The following SHROOM4 variants were observed in gnomAD, a reference collection of about 807,000 sequenced individuals.
The protein encoded by SHROOM4 is protein Shroom4.
SHROOM4 carries 17 observed loss-of-function variants against 80.3 expected under a neutral mutation model. The observed-to-expected ratio is 0.21, with a 90% CI of 0.14 to 0.32. SHROOM4 has a LOEUF of 0.32. SHROOM4 is among the 10% of genes least tolerant of loss of function. SHROOM4 has a pLI of 1.00. For synonymous variants in SHROOM4, 400 were observed against 437.5 expected (o/e 0.91, Z 1.07); for missense variants, 993 against 1,140.3 (o/e 0.87, Z 1.86).
In SHROOM4 at chrX:50,705,989, T is replaced by TACACACAC. The variant is rs56363612; in HGVS notation, c.118-10060_118-10053dup. Reference sequence around the variant, plus strand: ...TTATTTCCCACAACCTCTCATCCTCTACACACACACACACACACACACACA... The same window carrying TACACACAC: ...TTATTTCCCACAACCTCTCATCCTCTACACACACACACACACACACACACACACACACA... On this transcript the variant is annotated intron_variant, in intron 1 of 8. Coordinates refer to ENST00000376020, the MANE Select transcript of SHROOM4 (RefSeq NM_020717.5). Among the ~76,000 whole-genome samples, 613 of 74,369 alleles carry TACACACAC rather than the reference T, an allele frequency of 8.2e-3. 10 individuals are homozygous for TACACACAC. The highest frequency in any genetic ancestry group is 0.027 in the African/African-American group (560 of 21,048). 64.6% of individuals were successfully genotyped at this position (74,369 alleles called of 115,157 possible).
At chrX:50,741,233 CTT>C (rs1934648075) in intron 1 of SHROOM4, among the ~76,000 whole-genome samples, 1 of 110,196 alleles carries the variant, frequency 9.1e-6, no homozygotes, top group African/African-American at 3.3e-5. Flanking sequence ...AATCTAAAAA[CTT>C]GAATTCATAG....
In SHROOM4 at chrX:50,637,778, G is replaced by C. The variant is rs1316891226; in HGVS notation, c.404+396C>G. Among the ~76,000 whole-genome samples the C allele has an allele frequency of 4.5e-5, 5 of 112,267 alleles. No homozygotes were observed. The East Asian group carries it at 1.4e-3, about 32-fold the overall frequency. ...TATGTGACAGAGGTAATAAAGACCA[G>C]ATAAGGGCACCAGTGAGTCGCCATT... On this transcript the variant is annotated intron_variant, in intron 3 of 8. Transcript: ENST00000376020.
chrX:50,681,696 C>T (rs1409753069), intron 2 of SHROOM4, among the ~76,000 whole-genome samples: 1 of 111,988 alleles, frequency 8.9e-6, no homozygotes, highest in African/African-American at 3.3e-5. Flanking sequence ...AACATGTTTG[C>T]GTATTTGTGA....
intron 1 of SHROOM4, among the ~76,000 whole-genome samples, chrX:50,789,381 C>T (rs1007254363): frequency 1.8e-5 from 2 of 110,672 alleles, no homozygotes; most frequent in Non-Finnish European, 3.8e-5. Context: ...GGAAATTAAA[C>T]AATACACTCC....
intron 1 of SHROOM4, among the ~76,000 whole-genome samples, chrX:50,773,127 A>G (rs148896206): frequency 8.9e-6 from 1 of 112,622 alleles, no homozygotes; most frequent in Non-Finnish European, 1.9e-5. Context: ...AGGTGCTGTC[A>G]CATATCTTAT....
rs1036447450 is a variant in SHROOM4 at position 50,593,244 on chromosome X, G to C, written c.*3451C>G. 4 of 112,112 alleles carry C rather than the reference G, an allele frequency of 3.6e-5. No individual in the cohort carries two copies. Among genetic ancestry groups the C allele is most frequent in the African/African-American group, 1.3e-4 (4 of 30,723 alleles). 9.2% of individuals were successfully genotyped at this position (112,112 alleles called of 1,213,427 possible). Reference sequence around the variant, plus strand: ...GTTTATCTGTGAAGGACTATGGATAGGTGACCAAATTCCTTTCCAGTACTT... The same window carrying C: ...GTTTATCTGTGAAGGACTATGGATACGTGACCAAATTCCTTTCCAGTACTT... On this transcript the variant is annotated 3_prime_UTR_variant, in exon 9 of 9. Coordinates refer to ENST00000376020, the MANE Select transcript of SHROOM4 (RefSeq NM_020717.5).
chrX:50,675,434 G>T (rs1932842546), intron 2 of SHROOM4, among the ~76,000 whole-genome samples: 1 of 111,385 alleles, frequency 9.0e-6, no homozygotes, highest in African/African-American at 3.3e-5. Context: ...GTGGGTAGCT[G>T]AGAGAAGAGG....
At chrX:50,706,565 G>A (rs1933683988) in intron 1 of SHROOM4, among the ~76,000 whole-genome samples, 1 of 111,414 alleles carries the variant, frequency 9.0e-6, no homozygotes, top group South Asian at 3.8e-4. Context: ...TGAGGTTCAG[G>A]GATATTATAT....
chrX:50,761,301 C>T (rs1935150580), intron 1 of SHROOM4, among the ~76,000 whole-genome samples: 1 of 111,735 alleles, frequency 8.9e-6, no homozygotes, highest in African/African-American at 3.3e-5. Context: ...GTTTTCTGTT[C>T]CTGCGTTAGT....
At chrX:50,626,209 C>T (rs1930796008) in intron 5 of SHROOM4, among the ~76,000 whole-genome samples, 1 of 111,404 alleles carries the variant, frequency 9.0e-6, no homozygotes, top group Admixed American at 9.5e-5. Flanking sequence ...ATTATTCCTC[C>T]AACACACCCT....
At chrX:50,736,577 A>G (rs1341737307) in intron 1 of SHROOM4, among the ~76,000 whole-genome samples, 1 of 112,159 alleles carries the variant, frequency 8.9e-6, no homozygotes, top group African/African-American at 3.2e-5. Flanking sequence ...GTCCCTGCAA[A>G]GGACATGATA....
chrX:50,805,350 T>A (rs1447138063), intron 1 of SHROOM4, among the ~76,000 whole-genome samples: 5 of 111,040 alleles, frequency 4.5e-5, no homozygotes, highest in South Asian at 3.8e-4. Context: ...TGCCAGAGGC[T>A]CAGGAAAAAA....
intron 1 of SHROOM4, among the ~76,000 whole-genome samples, chrX:50,718,807 C>T (rs1602459573): frequency 9.0e-6 from 1 of 111,682 alleles, no homozygotes; most frequent in South Asian, 3.8e-4. Flanking sequence ...ATCTCCATTT[C>T]TATAGATCTC....
chrX:50,714,079 T>A (rs1557264622), intron 1 of SHROOM4, among the ~76,000 whole-genome samples: 1 of 112,089 alleles, frequency 8.9e-6, no homozygotes, highest in African/African-American at 3.2e-5. Context: ...GGGTGTCCTT[T>A]CCCCACTGTA....
chrX:50,743,488 C>G (rs1303333281), intron 1 of SHROOM4, among the ~76,000 whole-genome samples: 6 of 110,963 alleles, frequency 5.4e-5, no homozygotes, highest in African/African-American at 2.0e-4. Flanking sequence ...CAGGGCCTCA[C>G]TCTATCACCC....
At chrX:50,669,989 T>C (rs1557260665) in intron 2 of SHROOM4, among the ~76,000 whole-genome samples, 1 of 112,358 alleles carries the variant, frequency 8.9e-6, no homozygotes, top group Non-Finnish European at 1.9e-5. Flanking sequence ...GAATCATGAA[T>C]ATTTTAATGA....
chrX:50,811,175 C>T (rs782749289), intron 1 of SHROOM4, among the ~76,000 whole-genome samples: 1 of 110,606 alleles, frequency 9.0e-6, no homozygotes, highest in Non-Finnish European at 1.9e-5. Context: ...AGCATGGTAG[C>T]GTGTGCCTGT....
intron 2 of SHROOM4, among the ~76,000 whole-genome samples, chrX:50,669,577 A>G (rs782072637): frequency 8.9e-6 from 1 of 111,917 alleles, no homozygotes; most frequent in African/African-American, 3.2e-5. Context: ...CTGGGATTAC[A>G]GGCGTGAGCC....
chrX:50,800,768 T>C (rs1228804881), intron 1 of SHROOM4, among the ~76,000 whole-genome samples: 2 of 110,721 alleles, frequency 1.8e-5, no homozygotes, highest in Non-Finnish European at 3.8e-5. Context: ...CAAAAGTAGT[T>C]TGGGCTCTAT....
Sources: allele counts gnomAD v4.1 joint callset (sites outside exome capture counted in the v4.1 genomes callset), GRCh38; gene constraint gnomAD v4.1.1; transcripts MANE v1.5; gene names NCBI Gene and HGNC (gene_info 2026-07-23, HGNC 2026-07-21).